The following CNTLN variants were observed in gnomAD, a reference collection of about 807,000 sequenced individuals.
CNTLN encodes the protein centlein, centrosomal protein.
In CNTLN, 212 loss-of-function variants were observed where a neutral mutation model predicts 180.0. That is an observed-to-expected ratio of 1.18 (90% CI 1.05 to 1.32). The LOEUF is 1.32. Among genes scored for constraint, CNTLN ranks in the 40% most tolerant of loss-of-function variants. CNTLN has a pLI of 0.00. For missense variants in CNTLN, 2,095 were observed against 1,610.9 expected (o/e 1.30, Z -5.14); for synonymous variants, 722 against 563.1 (o/e 1.28, Z -3.99).
chr9:17,319,911 T>C (rs888128851), intron 8 of CNTLN, among the ~76,000 whole-genome samples: 2 of 152,334 alleles, frequency 1.3e-5, no homozygotes, highest in Non-Finnish European at 2.9e-5. Context: ...AATTGGTTCA[T>C]AGGGGATTGA....
chr9:17,311,445 T>G (rs1359180581), intron 8 of CNTLN, among the ~76,000 whole-genome samples: 2 of 141,280 alleles, frequency 1.4e-5, no homozygotes, highest in South Asian at 2.4e-4. Context: ...CCAGGAGGGT[T>G]TTTCTGTTTT....
At position 17,183,606 on chromosome 9, in the gene CNTLN, C is replaced by T. The variant is rs559440101; in HGVS notation, c.449+40230C>T. ...ACACTAATAATAATCTTTGGCCATTCGGTAAGATTGATAAAGTCTTGCCTA... is the reference window on the plus strand; with the variant it reads ...ACACTAATAATAATCTTTGGCCATTTGGTAAGATTGATAAAGTCTTGCCTA... On this transcript the variant is annotated intron_variant, in intron 2 of 25. Transcript: ENST00000380647. Among the ~76,000 whole-genome samples the T allele has an allele frequency of 1.8e-4, 27 of 151,728 alleles. No individual in the cohort carries two copies. In the South Asian group the frequency reaches 5.2e-3, roughly 29 times the overall value.
intron 25 of CNTLN, among the ~76,000 whole-genome samples, chr9:17,492,606 G>A (rs1833224183): frequency 6.6e-6 from 1 of 152,156 alleles, no homozygotes; most frequent in South Asian, 2.1e-4. Context: ...TTAGGAGGCA[G>A]AGAAAATTGT....
intron 6 of CNTLN, among the ~76,000 whole-genome samples, chr9:17,294,835 GGAGGGGGGAGGGCGGGGA>G (rs1817720167): frequency 3.6e-5 from 1 of 27,990 alleles, no homozygotes; most frequent in African/African-American, 2.4e-4. Flanking sequence ...AGGGCGGGGA[GGAGGGGGGAGGGCGGGGA>G]GGAGGGAGGA....
intron 16 of CNTLN, among the ~76,000 whole-genome samples, chr9:17,414,809 G>T (rs975009365): frequency 6.6e-6 from 1 of 152,116 alleles, no homozygotes; most frequent in Non-Finnish European, 1.5e-5. Context: ...CTTAAACAAG[G>T]CTAGGCACTG....
Position 17,405,692 on chromosome 9 carries a change from A to G in CNTLN, c.2616-3601A>G, listed in dbSNP as rs180848576. 6.6e-5 allele frequency among the ~76,000 whole-genome samples: 10 copies of G among 151,882 alleles called. No homozygotes were observed. The East Asian group carries it at 1.7e-3, about 26-fold the overall frequency. On this transcript the variant is annotated intron_variant, in intron 15 of 25. Coordinates refer to ENST00000380647, the MANE Select transcript of CNTLN (RefSeq NM_017738.4). ...GCTGCACTCATTGTTTTGTGATCTC[A>G]TAGTATTTATTAACATCATTGTTAC...
At chr9:17,518,036 C>CTTTTTTTTTTTTTTT in the CNTLN span, among the ~76,000 whole-genome samples, 25 of 69,232 alleles carry the variant, frequency 3.6e-4, no homozygotes, top group Non-Finnish European at 4.1e-4. Flanking sequence ...TTTTCTTTTC[C>CTTTTTTTTTTTTTTT]TTTTTTTTTT....
chr9:17,349,659 A>T (rs1023077217), intron 12 of CNTLN, among the ~76,000 whole-genome samples: 17 of 152,168 alleles, frequency 1.1e-4, no homozygotes, highest in African/African-American at 4.1e-4. Context: ...TAAAAAACTT[A>T]CATGGAATAT....
chr9:17,323,791 C>T lies in CNTLN; in HGVS notation c.1342-6841C>T, dbSNP rs1280204690. Among the ~76,000 whole-genome samples the T allele has an allele frequency of 2.0e-5, 3 of 152,164 alleles. 1 individual carries two copies. Among genetic ancestry groups the T allele is most frequent in the South Asian group, 4.1e-4 (2 of 4,834 alleles). On this transcript the variant is annotated intron_variant, in intron 8 of 25. Coordinates refer to ENST00000380647, the MANE Select transcript of CNTLN (RefSeq NM_017738.4). ...TTTAATAAAATGTGAACAAAATCTT[C>T]TTGCTAATAATTTATCATCCTTTTT... is the stretch of plus-strand genomic sequence containing the variant.
intron 15 of CNTLN, among the ~76,000 whole-genome samples, chr9:17,403,211 T>C (rs576195825): frequency 3.3e-5 from 5 of 151,806 alleles, no homozygotes; most frequent in African/African-American, 1.2e-4. Context: ...AAATGACCCA[T>C]TGTATAGATC....
intron 5 of CNTLN, among the ~76,000 whole-genome samples, chr9:17,256,334 C>A (rs1476627661): frequency 6.6e-6 from 1 of 151,930 alleles, no homozygotes; most frequent in South Asian, 2.1e-4. Flanking sequence ...TGAGAAATCT[C>A]CAAACTGCTT....
At chr9:17,266,758 CTTG>C (rs1827487905) in intron 5 of CNTLN, among the ~76,000 whole-genome samples, 1 of 152,112 alleles carries the variant, frequency 6.6e-6, no homozygotes, top group Admixed American at 6.5e-5. Flanking sequence ...ATAGTGAGCT[CTTG>C]TTGTTGAATT....
intron 2 of CNTLN, among the ~76,000 whole-genome samples, chr9:17,180,059 A>G (rs1284045900): frequency 6.6e-6 from 1 of 151,794 alleles, no homozygotes; most frequent in Admixed American, 6.6e-5. Context: ...ATATTGCCAT[A>G]TTTGAAATGA....
At chr9:17,203,008 G>A (rs2131894504) in intron 2 of CNTLN, among the ~76,000 whole-genome samples, 1 of 152,182 alleles carries the variant, frequency 6.6e-6, no homozygotes, top group African/African-American at 2.4e-5. Flanking sequence ...GCTTCCTTCA[G>A]GAGCTCTTGT....
At chr9:17,457,347 A>G (rs1007527580) in intron 18 of CNTLN, among the ~76,000 whole-genome samples, 177 bp from the exon 19 acceptor site, 2 of 152,102 alleles carry the variant, frequency 1.3e-5, no homozygotes, top group African/African-American at 4.8e-5. Flanking sequence ...AAGCCATACT[A>G]CTATAAGCAA....
At chr9:17,507,111 T>C (rs763589062), downstream of CNTLN, among the ~76,000 whole-genome samples, 2 of 152,148 alleles carry the variant, frequency 1.3e-5, no homozygotes, top group Non-Finnish European at 1.5e-5. Flanking sequence ...AAACAGTACC[T>C]GATACATAGT....
At chr9:17,520,060 C>T in the CNTLN span, among the ~76,000 whole-genome samples, 1 of 152,306 alleles carries the variant, frequency 6.6e-6, no homozygotes. Context: ...CACACTGGAG[C>T]CTTACCCTCA....
chr9:17,334,941 T>C (rs1363700676), intron 10 of CNTLN, among the ~76,000 whole-genome samples: 4 of 148,898 alleles, frequency 2.7e-5, no homozygotes, highest in South Asian at 2.2e-4. Flanking sequence ...AGATTTTCAA[T>C]TGGCAAGCTA....
chr9:17,237,485 A>G (rs1191792813), intron 5 of CNTLN, among the ~76,000 whole-genome samples: 3 of 151,998 alleles, frequency 2.0e-5, no homozygotes, highest in East Asian at 3.9e-4. Flanking sequence ...TCAGAAAAAA[A>G]AAACAACACA....
Sources: gnomAD v4.1 joint callset for allele counts (sites outside exome capture counted in the v4.1 genomes callset) on GRCh38, gnomAD v4.1.1 for gene constraint, MANE v1.5 for transcripts, NCBI Gene and HGNC (gene_info 2026-07-23, HGNC 2026-07-21) for gene names.